ASPH: variants seen among roughly 807,000 people sequenced by gnomAD.
The protein encoded by ASPH is aspartate beta-hydroxylase.
Under a neutral mutation model 118.4 loss-of-function variants are expected in ASPH, and 100 were observed. The observed-to-expected ratio is 0.84, with a 90% confidence interval of 0.72 to 1.00. The LOEUF (loss-of-function observed/expected upper bound fraction) is 1.00, where lower values mean the gene tolerates loss of function less well. Ranked by LOEUF, ASPH falls within the 50% of genes least tolerant of loss-of-function variation. The pLI is 0.00. For synonymous variants in ASPH, 315 were observed against 325.6 expected (o/e 0.97, Z 0.35); for missense variants, 920 against 919.5 (o/e 1.00, Z -0.01).
At chr8:61,626,225 T>C in intron 13 of ASPH, 1 of 1,500,478 alleles carries the variant, frequency 6.7e-7, no homozygotes, top group South Asian at 1.4e-5. Context: ...TTGGAGCGTA[T>C]GGTTAGGCTG....
At chr8:61,564,165 T>TA (rs143311905) in intron 17 of ASPH, among the ~76,000 whole-genome samples, 1,533 of 152,240 alleles carry the variant, frequency 0.01, 34 homozygotes, top group African/African-American at 0.035. Context: ...TGCATCCTTT[T>TA]AAAAAATCAA....
chr8:61,615,593 CTGTT>C (rs1341472988), intron 14 of ASPH, among the ~76,000 whole-genome samples: 2 of 152,148 alleles, frequency 1.3e-5, no homozygotes, highest in African/African-American at 4.8e-5. Context: ...ACACGAATGA[CTGTT>C]TGAATTTGAC....
At position 61,596,536 on chromosome 8, in the gene ASPH, A is replaced by AC. The variant is rs539973825; in HGVS notation, c.977-12508dup. The stretch of plus-strand genomic sequence containing the variant: ...GGCCCACAGACGGGCATGCCCAAGG[A>AC]CCAGCCCACCTGGCATCCCAGTCCC... On this transcript the variant is annotated intron_variant, in intron 14 of 24. Coordinates refer to ENST00000379454, the MANE Select transcript of ASPH (RefSeq NM_004318.4). 2.1e-3 allele frequency among the ~76,000 whole-genome samples: 314 copies of AC among 152,340 alleles called. 2 individuals are homozygous for AC. The highest frequency in any genetic ancestry group is 7.1e-3 in the African/African-American group (296 of 41,584).
intron 14 of ASPH, among the ~76,000 whole-genome samples, chr8:61,589,060 C>A (rs1840323940): frequency 6.6e-6 from 1 of 152,152 alleles, no homozygotes. Context: ...CTGAAAACTG[C>A]AGCTACAGAA....
intron 1 of ASPH, among the ~76,000 whole-genome samples, chr8:61,685,954 A>G (rs575404364): frequency 1.7e-4 from 26 of 152,204 alleles, no homozygotes; most frequent in Admixed American, 1.5e-3. Flanking sequence ...TTTTTAGTAG[A>G]GACAGGGTTT....
intron 13 of ASPH, chr8:61,632,034 C>G (rs1332999124): frequency 6.6e-6 from 1 of 152,256 alleles, no homozygotes; most frequent in Non-Finnish European, 1.5e-5. Flanking sequence ...AGATCTTGAT[C>G]TACCTCTAAG....
intron 3 of ASPH, chr8:61,661,129 G>A (rs182376499): frequency 6.6e-6 from 1 of 151,964 alleles, no homozygotes; most frequent in East Asian, 1.9e-4. Flanking sequence ...ATTTGCATTT[G>A]CCCCCTCAAT....
rs371860797 is a variant in ASPH, at chr8:61,651,144, T to C, written c.416-20A>G. Reference sequence around the variant, plus strand: ...GGGGTTCTAAAATAATTGCAAAACATAGCTAAGTAGAAAAGCTCAAACATC... The same window carrying C: ...GGGGTTCTAAAATAATTGCAAAACACAGCTAAGTAGAAAAGCTCAAACATC... On this transcript the variant is annotated intron_variant, in intron 4 of 24. Coordinates refer to ENST00000379454, the MANE Select transcript of ASPH (RefSeq NM_004318.4). 11 of 1,603,650 alleles carry C rather than the reference T, an allele frequency of 6.9e-6. No individual in the cohort carries two copies. Among genetic ancestry groups the C allele is most frequent in the Admixed American group, 5.0e-5 (3 of 59,862 alleles).
At chr8:61,578,159 C>T (rs1482685130) in intron 15 of ASPH, 5 of 1,499,716 alleles carry the variant, frequency 3.3e-6, no homozygotes, top group Non-Finnish European at 3.5e-6. Flanking sequence ...GAAGCAGCTT[C>T]TCCGCTCCTT....
intron 3 of ASPH, chr8:61,675,958 C>G: frequency 1.3e-6 from 2 of 1,515,574 alleles, no homozygotes; most frequent in Non-Finnish European, 1.7e-6. Flanking sequence ...TTGACTTGCA[C>G]GGTAAGATCA....
chr8:61,556,384 A>G (rs1411814483), intron 18 of ASPH, among the ~76,000 whole-genome samples: 1 of 152,228 alleles, frequency 6.6e-6, no homozygotes, highest in Non-Finnish European at 1.5e-5. Flanking sequence ...ATGGCTTTAA[A>G]TTTGCTATAC....
intron 21 of ASPH, among the ~76,000 whole-genome samples, chr8:61,540,001 A>G (rs375405791): frequency 2.0e-4 from 31 of 152,092 alleles, no homozygotes; most frequent in African/African-American, 7.5e-4. Flanking sequence ...TTCAATTTCT[A>G]TGTTAAATAA....
rs746232814 is a variant in ASPH at position 61,676,240 on chromosome 8, A to G, written c.322+4728T>C. The G allele has an allele frequency of 2.5e-6, 4 of 1,595,488 alleles. No homozygotes were observed. In the South Asian group the frequency reaches 3.3e-5, roughly 13 times the overall value. On this transcript the variant is annotated intron_variant, in intron 3 of 24. Transcript: ENST00000379454. ...GAAATGAGAGGAAACCATAAAACCA[A>G]TCTGAACTTTCCTCTGCTAAAATAT...
At chr8:61,589,549 T>C (rs1197340310) in intron 14 of ASPH, among the ~76,000 whole-genome samples, 1 of 152,162 alleles carries the variant, frequency 6.6e-6, no homozygotes, top group Non-Finnish European at 1.5e-5. Flanking sequence ...GTATTTAACA[T>C]CCCAGCTACC....
intron 14 of ASPH, among the ~76,000 whole-genome samples, chr8:61,593,220 T>C (rs1841658866): frequency 6.6e-6 from 1 of 152,168 alleles, no homozygotes; most frequent in South Asian, 2.1e-4. Context: ...GTTTGTATTA[T>C]CACCATGTGA....
chr8:61,681,068 A>AT, intron 2 of ASPH, 32 bp from the exon 3 acceptor site: 2 of 1,517,114 alleles, frequency 1.3e-6, no homozygotes, highest in Non-Finnish European at 1.8e-6. Context: ...GGATATGGGA[A>AT]TAAAAAAGAA....
chr8:61,684,358 A>C (rs1829561963), intron 1 of ASPH, 170 bp from the exon 2 acceptor site: 1 of 747,342 alleles, frequency 1.3e-6, no homozygotes, highest in Non-Finnish European at 2.0e-6. Flanking sequence ...CTGAAAACAG[A>C]AAAGATTGTT....
At chr8:61,506,511 A>G (rs1806638073) in intron 24 of ASPH, among the ~76,000 whole-genome samples, 2 of 152,208 alleles carry the variant, frequency 1.3e-5, no homozygotes, top group African/African-American at 2.4e-5. Flanking sequence ...AATAGAGAAA[A>G]AAGGGAAAGG....
intron 1 of ASPH, among the ~76,000 whole-genome samples, chr8:61,703,054 T>C (rs565566645): frequency 6.6e-6 from 1 of 152,186 alleles, no homozygotes; most frequent in African/African-American, 2.4e-5. Context: ...AAGCAATATA[T>C]AAAAAGGACA....
Sources: allele counts gnomAD v4.1 joint callset (sites outside exome capture counted in the v4.1 genomes callset), GRCh38; gene constraint gnomAD v4.1.1; transcripts MANE v1.5; gene names NCBI Gene and HGNC (gene_info 2026-07-23, HGNC 2026-07-21).